Variants in ZBED6 observed in about 807,000 individuals in gnomAD.
The protein encoded by ZBED6 is zinc finger BED-type containing 6, also known as zinc finger BED domain-containing protein 6.
In ZBED6, 40 loss-of-function variants were observed where a neutral mutation model predicts 58.4. The observed-to-expected ratio is 0.68, with a 90% CI of 0.53 to 0.89. ZBED6 has a LOEUF of 0.89. Ranked by LOEUF, ZBED6 falls within the 40% of genes least tolerant of loss-of-function variation. The pLI is 0.00. For missense variants in ZBED6, 1,057 were observed against 1,003.9 expected (o/e 1.05, Z -0.71); for synonymous variants, 439 against 350.6 (o/e 1.25, Z -2.82).
At chr1:203,797,663 G>C in exon 1 of ZBED6, 1 of 1,535,958 alleles carries the variant, frequency 6.5e-7, no homozygotes, top group Non-Finnish European at 8.7e-7. Flanking sequence ...AGGAAAAGAT[G>C]GTAGCAGAAG....
intron 9 of ZBED6, among the ~76,000 whole-genome samples, chr1:203,837,392 G>T (rs1189237671): frequency 2.7e-5 from 4 of 149,980 alleles, no homozygotes; most frequent in Non-Finnish European, 5.9e-5. Flanking sequence ...TTGTAGGTTT[G>T]TCAGTTAATT....
exon 1 of ZBED6, chr1:203,797,227 A>C (rs1258695804): frequency 5.1e-6 from 1 of 194,584 alleles, no homozygotes; most frequent in East Asian, 1.2e-4. Flanking sequence ...TGACTCTGGG[A>C]AAGGGGGACT....
chr1:203,796,396 C>G (rs1049176165), exon 1 of ZBED6: 8 of 398,956 alleles, frequency 2.0e-5, no homozygotes, highest in Non-Finnish European at 3.1e-5. Flanking sequence ...ACTCCCACCC[C>G]TGGCCCTCAG....
intron 11 of ZBED6, among the ~76,000 whole-genome samples, chr1:203,842,275 C>T (rs1246702672): frequency 6.6e-6 from 1 of 152,154 alleles, no homozygotes; most frequent in Non-Finnish European, 1.5e-5. Context: ...TGTAGCAAGC[C>T]GAGATCACGC....
intron 1 of ZBED6, among the ~76,000 whole-genome samples, chr1:203,803,233 C>G (rs1671067391): frequency 6.6e-6 from 1 of 152,016 alleles, no homozygotes; most frequent in African/African-American, 2.4e-5. Context: ...CTCTTGTCCC[C>G]TAGGCTGGAG....
intron 9 of ZBED6, 113 bp downstream of exon 9, chr1:203,833,966 T>C (rs1239934581): frequency 7.1e-7 from 1 of 1,409,836 alleles, no homozygotes; most frequent in African/African-American, 1.5e-5. Context: ...CTGTATTGGC[T>C]GAAAGCACTT....
At chr1:203,845,873 A>C (rs1465276800) in intron 11 of ZBED6, among the ~76,000 whole-genome samples, 1 of 152,160 alleles carries the variant, frequency 6.6e-6, no homozygotes, top group Non-Finnish European at 1.5e-5. Context: ...CTCAAAAAAC[A>C]AGCAAACAAA....
At chr1:203,852,070 C>T (rs1689447510) in intron 16 of ZBED6, 71 bp from the exon 17 acceptor site, 5 of 1,581,626 alleles carry the variant, frequency 3.2e-6, no homozygotes, top group Non-Finnish European at 4.3e-6. Context: ...CACTTTGTGT[C>T]CGTGAGACTA....
chr1:203,838,721 T>C (rs1309590748), intron 10 of ZBED6, among the ~76,000 whole-genome samples: 1 of 151,906 alleles, frequency 6.6e-6, no homozygotes, highest in Non-Finnish European at 1.5e-5. Flanking sequence ...GAGGCCGAGG[T>C]GGGTGGATCA....
intron 3 of ZBED6, among the ~76,000 whole-genome samples, chr1:203,820,314 A>G (rs779555578): frequency 1.3e-5 from 2 of 151,846 alleles, no homozygotes; most frequent in African/African-American, 4.8e-5. Flanking sequence ...TGTTGAGAGC[A>G]GTTGCTCAGT....
At chr1:203,851,884 G>A (rs1213681477) in intron 16 of ZBED6, among the ~76,000 whole-genome samples, 2 of 145,316 alleles carry the variant, frequency 1.4e-5, no homozygotes, top group Non-Finnish European at 3.0e-5. Context: ...CAAAATGATC[G>A]CTTGAGCCCA....
chr1:203,843,529 G>C (rs1223342340), intron 11 of ZBED6, among the ~76,000 whole-genome samples: 1 of 152,014 alleles, frequency 6.6e-6, no homozygotes, highest in Non-Finnish European at 1.5e-5. Context: ...TTTTTTTCCT[G>C]TAAAGGGTCG....
chr1:203,808,201 G>A (rs1395544613), intron 1 of ZBED6, among the ~76,000 whole-genome samples: 4 of 152,128 alleles, frequency 2.6e-5, no homozygotes, highest in African/African-American at 9.7e-5. Context: ...AGCTATTTGT[G>A]AAATGTAGTT....
At chr1:203,799,815 A>G (rs903495251) in exon 1 of ZBED6, 1 of 1,412,270 alleles carries the variant, frequency 7.1e-7, no homozygotes, top group African/African-American at 1.4e-5. Flanking sequence ...CAAGCCCTGT[A>G]TCTTGGCTAC....
chr1:203,841,114 ACCT>A (rs1326294767), intron 11 of ZBED6, among the ~76,000 whole-genome samples: 2 of 148,898 alleles, frequency 1.3e-5, no homozygotes, highest in East Asian at 2.0e-4. Flanking sequence ...ACCACTTTTG[ACCT>A]CCTGATTTAG....
chr1:203,809,181 T>TTTTG (rs1027452224), intron 1 of ZBED6, among the ~76,000 whole-genome samples: 2 of 140,462 alleles, frequency 1.4e-5, no homozygotes, highest in African/African-American at 5.3e-5. Flanking sequence ...TGTTTTTTTT[T>TTTTG]TTTTTTTTTT....
At chr1:203,837,895 T>C in intron 9 of ZBED6, 71 bp from the exon 10 acceptor site, 1 of 1,441,898 alleles carries the variant, frequency 6.9e-7, no homozygotes, top group Non-Finnish European at 9.6e-7. Flanking sequence ...ATGTTGTCTG[T>C]TTTTGTTTGT....
Position 203,796,509 on chromosome 1 carries a change from A to G in ZBED6, c.-1014A>G. The G allele has an allele frequency of 5.0e-6, 2 of 398,984 alleles. No individual in the cohort carries two copies. Among genetic ancestry groups the G allele is most frequent in the South Asian group, 1.3e-4 (1 of 7,848 alleles). 24.7% of individuals were successfully genotyped at this position (398,984 alleles called of 1,614,324 possible). A position where few individuals can be genotyped will look rare whatever the true frequency, so the allele number is the denominator to read the frequency against. On this transcript the variant is annotated 5_prime_UTR_variant, in exon 1 of 17. An upstream start codon of the reference 5' UTR is lost. Coordinates refer to ENST00000550078, the Ensembl canonical transcript of ZBED6. The stretch of plus-strand genomic sequence containing the variant: ...ACTCCCATAATCGGTGCGGATTCCT[A>G]TGGGGAAGGCCTATATTGTTGACAT...
In ZBED6 at chr1:203,814,773, T is replaced by C. The variant is rs978636348; in HGVS notation, c.*2555-2153T>C. On this transcript the variant is annotated intron_variant, in intron 1 of 16. Transcript: ENST00000550078. ...TTTTACAGCAGCATTCACTTTCTGG[T>C]ATGAAACTCTAATGGCTGTATATTG... The C allele has an allele frequency of 2.6e-5, 4 of 152,336 alleles. No homozygotes were observed. The East Asian group carries it at 7.7e-4, about 29-fold the overall frequency. 9.4% of individuals were successfully genotyped at this position (152,336 alleles called of 1,614,324 possible). A position where few individuals can be genotyped will look rare whatever the true frequency, so the allele number is the denominator to read the frequency against.
Sources: gnomAD v4.1 joint callset for allele counts (sites outside exome capture counted in the v4.1 genomes callset) on GRCh38, gnomAD v4.1.1 for gene constraint, MANE v1.5 for transcripts, NCBI Gene and HGNC (gene_info 2026-07-23, HGNC 2026-07-21) for gene names.